Variants in ALPK2 observed in about 807,000 individuals in gnomAD.
ALPK2 encodes the protein alpha kinase 2, also known as alpha-protein kinase 2.
Under a neutral mutation model 163.1 loss-of-function variants are expected in ALPK2, and 127 were observed. That is an observed-to-expected ratio of 0.78 (90% CI 0.67 to 0.90). The LOEUF (loss-of-function observed/expected upper bound fraction) is 0.90, where lower values mean the gene tolerates loss of function less well. Among genes scored for constraint, ALPK2 ranks in the 40% least tolerant of loss-of-function variants. The probability of loss-of-function intolerance (pLI) is 0.00; values close to 1 mark genes in which losing one functional copy is unlikely to be tolerated. For missense variants in ALPK2, 2,360 were observed against 2,589.6 expected (o/e 0.91, Z 1.92); for synonymous variants, 953 against 959.1 (o/e 0.99, Z 0.12).
In ALPK2 at chr18:58,538,036, T is replaced by G; in HGVS notation, c.2151A>C (p.Pro717=). ...CTCTGTCTTGTTTTTCTTCATGCTG[T>G]GGACCACAGGTACAGGGTTTGACCT... ...HSEVKPCTCG[P]QHEEKQDRDG... The change falls in exon 5 of 13, where the codon CCA becomes CCC. Residue 717 remains proline (P), a synonymous_variant. Coordinates refer to ENST00000361673, the MANE Select transcript of ALPK2 (RefSeq NM_052947.4). 1 of 1,614,198 alleles carries G rather than the reference T, an allele frequency of 6.2e-7. No homozygotes were observed. The highest frequency in any genetic ancestry group is 8.5e-7 in the Non-Finnish European group (1 of 1,180,014).
At chr18:58,534,584 CGATA>C (rs1334936801) in intron 5 of ALPK2, among the ~76,000 whole-genome samples, 3 of 152,176 alleles carry the variant, frequency 2.0e-5, no homozygotes, top group Admixed American at 6.5e-5. Flanking sequence ...GTGGTTCTCC[CGATA>C]GATCACCTGG....
chr18:58,541,469 G>T (rs764689633), intron 4 of ALPK2, among the ~76,000 whole-genome samples: 19 of 152,240 alleles, frequency 1.2e-4, no homozygotes, highest in African/African-American at 3.6e-4. Flanking sequence ...AGATTTGGTA[G>T]AGACACAGAT....
intron 4 of ALPK2, among the ~76,000 whole-genome samples, chr18:58,572,422 T>TA (rs2051890409): frequency 6.6e-6 from 1 of 152,330 alleles, no homozygotes; most frequent in South Asian, 2.1e-4. Flanking sequence ...AATGAAGACT[T>TA]ATGTTCACAT....
At chr18:58,568,565 G>A (rs965531311) in intron 4 of ALPK2, among the ~76,000 whole-genome samples, 1 of 152,104 alleles carries the variant, frequency 6.6e-6, no homozygotes, top group Non-Finnish European at 1.5e-5. Context: ...GGACCTCCGG[G>A]GTGGGGCTTG....
intron 1 of ALPK2, 88 bp from the exon 2 acceptor site, chr18:58,611,905 C>T: frequency 1.2e-6 from 1 of 812,694 alleles, no homozygotes. Context: ...AGGGTGCCGC[C>T]CTGGCAGCTC....
intron 3 of ALPK2, among the ~76,000 whole-genome samples, chr18:58,586,423 A>G (rs2051986953): frequency 6.6e-6 from 1 of 152,236 alleles, no homozygotes; most frequent in South Asian, 2.1e-4. Context: ...ATTAAAGGCA[A>G]TCTGGGGAGC....
chr18:58,487,657 C>A (rs1050054292), intron 12 of ALPK2, among the ~76,000 whole-genome samples: 1 of 151,984 alleles, frequency 6.6e-6, no homozygotes, highest in Non-Finnish European at 1.5e-5. Context: ...ATTTTTTAGC[C>A]TATCTCTTTA....
intron 5 of ALPK2, among the ~76,000 whole-genome samples, chr18:58,533,286 A>G (rs2051625788): frequency 6.6e-6 from 1 of 152,144 alleles, no homozygotes; most frequent in African/African-American, 2.4e-5. Flanking sequence ...GAAAAGTCAC[A>G]GGCAAGAATT....
chr18:58,546,507 T>C (rs770546337), intron 4 of ALPK2, among the ~76,000 whole-genome samples: 10 of 152,220 alleles, frequency 6.6e-5, no homozygotes, highest in Non-Finnish European at 1.5e-4. Context: ...AACGCTACTA[T>C]TAGTAGTAAT....
At chr18:58,527,348 C>T (rs2144136696) in intron 6 of ALPK2, among the ~76,000 whole-genome samples, 1 of 152,316 alleles carries the variant, frequency 6.6e-6, no homozygotes, top group Admixed American at 6.5e-5. Flanking sequence ...CTTAAATATT[C>T]TCAAGTGTTA....
chr18:58,603,179 C>T (rs998981902), intron 3 of ALPK2, among the ~76,000 whole-genome samples: 1 of 152,192 alleles, frequency 6.6e-6, no homozygotes, highest in African/African-American at 2.4e-5. Context: ...TTCAAGAACC[C>T]TCTCTTGGGG....
chr18:58,560,754 G>T (rs190291893), intron 4 of ALPK2, among the ~76,000 whole-genome samples: 1 of 152,284 alleles, frequency 6.6e-6, no homozygotes, highest in East Asian at 1.9e-4. Flanking sequence ...TCTACTTCAG[G>T]GGGGCAGGGT....
chr18:58,606,503 T>C (rs1007706965), intron 3 of ALPK2, among the ~76,000 whole-genome samples: 2 of 152,246 alleles, frequency 1.3e-5, no homozygotes, highest in Non-Finnish European at 2.9e-5. Context: ...TTTTGTTTTA[T>C]AGATGATGAA....
At position 58,484,812 on chromosome 18, in the gene ALPK2, T is replaced by C. The variant is rs140401999; in HGVS notation, c.6297-2773A>G. Among the ~76,000 whole-genome samples, 489 of 152,248 alleles carry C rather than the reference T, an allele frequency of 3.2e-3. 2 individuals carry two copies. The highest frequency in any genetic ancestry group is 0.01 in the African/African-American group (436 of 41,542). Reference sequence around the variant, plus strand: ...TGAGGGGATGAAATGAGAAAATCCATAGAAACCATGTAGCTCAGGGCATAA... The same window carrying C: ...TGAGGGGATGAAATGAGAAAATCCACAGAAACCATGTAGCTCAGGGCATAA... On this transcript the variant is annotated intron_variant, in intron 12 of 12. Transcript: ENST00000361673.
At chr18:58,612,824 A>G (rs1407756411) in intron 1 of ALPK2, among the ~76,000 whole-genome samples, 1 of 152,210 alleles carries the variant, frequency 6.6e-6, no homozygotes, top group Admixed American at 6.5e-5. Flanking sequence ...AAGGGCATTT[A>G]GTTCTGTCTA....
At chr18:58,513,076 TG>T (rs746245802) in intron 10 of ALPK2, among the ~76,000 whole-genome samples, 104 of 146,908 alleles carry the variant, frequency 7.1e-4, no homozygotes, top group Non-Finnish European at 9.8e-4. Context: ...GAGTGTTGTG[TG>T]TTTGTGTGTG....
In ALPK2 at chr18:58,607,425, C is replaced by T; in HGVS notation, c.124G>A (p.Glu42Lys). ...RCIISGQPKP[E>K]VTWYKNGQAI... The stretch of plus-strand genomic sequence containing the variant: ...TGACCATTCTTATACCAAGTTACCT[C>T]TGGCTTGGGCTGACCTGACAATAAA... Residue 42 changes from glutamate (E) to lysine (K), a missense_variant, in exon 3 of 13, where the codon GAG becomes AAG. Transcript: ENST00000361673. The T allele has an allele frequency of 6.2e-6, 10 of 1,609,792 alleles. No individual in the cohort carries two copies. The highest frequency in any genetic ancestry group is 7.6e-6 in the Non-Finnish European group (9 of 1,178,034).
At chr18:58,497,996 G>T in intron 12 of ALPK2, 53 bp downstream of exon 12, 3 of 1,546,690 alleles carry the variant, frequency 1.9e-6, no homozygotes, top group Non-Finnish European at 1.8e-6. Flanking sequence ...CTGCCTGGAA[G>T]GTGTCTGTAA....
chr18:58,594,672 A>G (rs888327733), intron 3 of ALPK2, among the ~76,000 whole-genome samples: 2 of 152,120 alleles, frequency 1.3e-5, no homozygotes, highest in Non-Finnish European at 2.9e-5. Flanking sequence ...CCTTATCCAA[A>G]CCTGCTTCTT....
Sources: allele counts gnomAD v4.1 joint callset (sites outside exome capture counted in the v4.1 genomes callset), GRCh38; gene constraint gnomAD v4.1.1; transcripts MANE v1.5; gene names NCBI Gene and HGNC (gene_info 2026-07-23, HGNC 2026-07-21).